Variants in KIAA1549 observed in about 807,000 individuals in gnomAD.
KIAA1549 encodes UPF0606 protein KIAA1549.
In KIAA1549, 70 loss-of-function variants were observed where a neutral mutation model predicts 156.4. The ratio of observed to expected loss-of-function variants is 0.45; its 90% confidence interval spans 0.37 to 0.55. The LOEUF (loss-of-function observed/expected upper bound fraction) is 0.55, where lower values mean the gene tolerates loss of function less well. KIAA1549 is among the 20% of genes least tolerant of loss of function. The probability of loss-of-function intolerance (pLI) is 0.00; values close to 1 mark genes in which losing one functional copy is unlikely to be tolerated. For missense variants in KIAA1549, 2,428 were observed against 2,540.9 expected (o/e 0.96, Z 0.96); for synonymous variants, 1,103 against 1,066.4 (o/e 1.03, Z -0.67).
In KIAA1549 at chr7:138,917,137, T is replaced by G. The variant is rs770254352; in HGVS notation, c.2489A>C (p.Lys830Thr). Residue 830 changes from lysine to threonine, a missense_variant, in exon 2 of 20, where the codon AAA (lysine) becomes ACA (threonine). Lys to Thr is a moderately conservative substitution (Grantham distance 78). Coordinates refer to ENST00000422774, the MANE Select transcript of KIAA1549 (RefSeq NM_001164665.2). ...GHVSVLASFS[K>T]AIPTGTVLIT... ...CAACACCGTACCAGTGGGAATGGCT[T>G]TGGAGAAAGAGGCCAGGACAGACAC... The G allele has an allele frequency of 3.1e-6, 5 of 1,613,304 alleles. No individual in the cohort carries two copies. In the African/African-American group the frequency reaches 6.7e-5, roughly 22 times the overall value.
At chr7:138,856,616 T>C (rs1276508327) in intron 16 of KIAA1549, among the ~76,000 whole-genome samples, 1 of 152,142 alleles carries the variant, frequency 6.6e-6, no homozygotes, top group Non-Finnish European at 1.5e-5. Flanking sequence ...GACCCTTCCA[T>C]GTGCAGCCAT....
intron 17 of KIAA1549, among the ~76,000 whole-genome samples, chr7:138,846,332 C>G (rs956494707): frequency 1.1e-4 from 17 of 152,100 alleles, no homozygotes; most frequent in Non-Finnish European, 2.1e-4. Context: ...GTCAGGAGTT[C>G]AAGACCAGCC....
At chr7:138,848,335 T>G (rs576795076) in intron 17 of KIAA1549, among the ~76,000 whole-genome samples, 1 of 152,364 alleles carries the variant, frequency 6.6e-6, no homozygotes, top group South Asian at 2.1e-4. Flanking sequence ...TTTATCAGAA[T>G]TGAGAAGTTC....
At chr7:138,916,161 C>T (rs1812314830) in intron 2 of KIAA1549, among the ~76,000 whole-genome samples, 1 of 152,174 alleles carries the variant, frequency 6.6e-6, no homozygotes. Context: ...ACCCAAGGGG[C>T]ATTTACAGGG....
intron 1 of KIAA1549, among the ~76,000 whole-genome samples, chr7:138,921,874 T>A (rs1194393273): frequency 2.0e-5 from 3 of 151,002 alleles, no homozygotes; most frequent in Non-Finnish European, 3.0e-5. Context: ...CAAAAAAAAA[T>A]AAAAATAAAA....
intron 1 of KIAA1549, among the ~76,000 whole-genome samples, chr7:138,952,582 G>C (rs1408359849): frequency 6.6e-6 from 1 of 152,212 alleles, no homozygotes; most frequent in Admixed American, 6.5e-5. Context: ...AAGGGCTGAC[G>C]TGAATTCCCA....
At chr7:138,858,222 G>A (rs1810450821) in intron 16 of KIAA1549, among the ~76,000 whole-genome samples, 1 of 151,966 alleles carries the variant, frequency 6.6e-6, no homozygotes, top group Admixed American at 6.6e-5. Context: ...CCAGGGTCAA[G>A]TGATCCTCCC....
chr7:138,954,805 G>GA (rs774022941), intron 1 of KIAA1549, among the ~76,000 whole-genome samples: 24 of 152,222 alleles, frequency 1.6e-4, no homozygotes, highest in Non-Finnish European at 2.5e-4. Context: ...TCCTGCAGAA[G>GA]AAACTGAATG....
intron 4 of KIAA1549, among the ~76,000 whole-genome samples, chr7:138,909,804 G>A (rs1223854234): frequency 4.0e-5 from 6 of 151,870 alleles, no homozygotes; most frequent in East Asian, 1.9e-4. Flanking sequence ...AAAATTAGCC[G>A]GACATGGTGG....
intron 1 of KIAA1549, among the ~76,000 whole-genome samples, chr7:138,958,025 G>A (rs1263158537): frequency 1.3e-5 from 2 of 152,182 alleles, no homozygotes; most frequent in South Asian, 2.1e-4. Flanking sequence ...TTGTACTCAT[G>A]CATCTACGTT....
chr7:138,857,249 T>TAC (rs1260640609), intron 16 of KIAA1549, among the ~76,000 whole-genome samples: 1 of 152,092 alleles, frequency 6.6e-6, no homozygotes, highest in Non-Finnish European at 1.5e-5. Flanking sequence ...CCCACCCACA[T>TAC]ACACACACAC....
chr7:138,870,070 C>T (rs1810883437), intron 13 of KIAA1549, among the ~76,000 whole-genome samples: 1 of 151,962 alleles, frequency 6.6e-6, no homozygotes, highest in South Asian at 2.1e-4. Context: ...AGGCTGGTCT[C>T]GAACTCCTGA....
intron 1 of KIAA1549, among the ~76,000 whole-genome samples, chr7:138,934,898 A>C (rs1293746109): frequency 1.3e-5 from 2 of 152,226 alleles, no homozygotes; most frequent in African/African-American, 4.8e-5. Context: ...GCTCATAAAA[A>C]GCACAGCTCT....
At chr7:138,966,252 G>A (rs992666051) in intron 1 of KIAA1549, among the ~76,000 whole-genome samples, 5 of 151,944 alleles carry the variant, frequency 3.3e-5, no homozygotes, top group Non-Finnish European at 5.9e-5. Context: ...CCAATACCAC[G>A]GTCCTTATGA....
chr7:138,964,943 T>C (rs747060002), intron 1 of KIAA1549, among the ~76,000 whole-genome samples: 39 of 151,206 alleles, frequency 2.6e-4, no homozygotes, highest in Non-Finnish European at 5.0e-4. Flanking sequence ...CTCATAGCAG[T>C]GTTTTTTTTC....
chr7:138,866,905 C>T (rs1389778222), intron 15 of KIAA1549, among the ~76,000 whole-genome samples: 1 of 152,108 alleles, frequency 6.6e-6, no homozygotes, highest in East Asian at 1.9e-4. Flanking sequence ...TGGGCTGAAG[C>T]GATTCTCCCA....
At chr7:138,954,840 A>G (rs898316771) in intron 1 of KIAA1549, among the ~76,000 whole-genome samples, 5 of 152,186 alleles carry the variant, frequency 3.3e-5, no homozygotes, top group Non-Finnish European at 7.3e-5. Flanking sequence ...GGGGAGGACC[A>G]AAGAGAAGGC....
intron 1 of KIAA1549, among the ~76,000 whole-genome samples, chr7:138,965,174 G>C (rs533206682): frequency 1.3e-5 from 2 of 152,196 alleles, no homozygotes; most frequent in Admixed American, 1.3e-4. Flanking sequence ...CAGGAGATTT[G>C]AGCAGAGACC....
chr7:138,880,323 G>GA (rs964838059), intron 11 of KIAA1549, among the ~76,000 whole-genome samples: 16 of 148,102 alleles, frequency 1.1e-4, no homozygotes, highest in South Asian at 6.4e-4. Context: ...TACCAGGCAA[G>GA]AAAAAAAAAA....
Sources: allele counts gnomAD v4.1 joint callset (sites outside exome capture counted in the v4.1 genomes callset), GRCh38; gene constraint gnomAD v4.1.1; transcripts MANE v1.5; gene names NCBI Gene and HGNC (gene_info 2026-07-23, HGNC 2026-07-21).